The following CNTN4 variants were observed in gnomAD, a reference collection of about 807,000 sequenced individuals.
CNTN4 encodes the protein contactin-4.
Under a neutral mutation model 122.5 loss-of-function variants are expected in CNTN4, and 77 were observed. That is an observed-to-expected ratio of 0.63 (90% CI 0.52 to 0.76). The LOEUF (loss-of-function observed/expected upper bound fraction) is 0.76. CNTN4 is among the 30% of genes least tolerant of loss of function. The pLI is 0.00. For missense variants in CNTN4, 1,256 were observed against 1,259.1 expected, an observed-to-expected ratio of 1.00 and a Z score of 0.04; for synonymous variants, 512 against 447.0, an observed-to-expected ratio of 1.15 and a Z score of -1.83.
intron 2 of CNTN4, among the ~76,000 whole-genome samples, chr3:2,329,079 T>C (rs1276539948): frequency 6.6e-6 from 1 of 152,156 alleles, no homozygotes; most frequent in Non-Finnish European, 1.5e-5. Context: ...AATAAAAATT[T>C]TCACAAATGG....
At chr3:2,859,780 G>A (rs1238698568) in intron 7 of CNTN4, among the ~76,000 whole-genome samples, 1 of 152,038 alleles carries the variant, frequency 6.6e-6, no homozygotes, top group Non-Finnish European at 1.5e-5. Context: ...CTCATATTTG[G>A]CTTATTGTCT....
At chr3:2,488,979 C>G (rs183169979) in intron 3 of CNTN4, among the ~76,000 whole-genome samples, 88 of 152,298 alleles carry the variant, frequency 5.8e-4, no homozygotes, top group African/African-American at 2.0e-3. Flanking sequence ...CCAAATCATT[C>G]ATCTCTGCAT....
intron 3 of CNTN4, among the ~76,000 whole-genome samples, chr3:2,482,399 G>A (rs1037354206): frequency 1.3e-5 from 2 of 151,788 alleles, no homozygotes; most frequent in African/African-American, 4.8e-5. Context: ...GATCATAAAA[G>A]TTTGGAAAAT....
intron 8 of CNTN4, among the ~76,000 whole-genome samples, chr3:2,878,553 C>CTCTCTGTGTGTGTGTG (rs930160038): frequency 2.0e-5 from 3 of 146,844 alleles, no homozygotes; most frequent in Non-Finnish European, 4.5e-5. Context: ...GAGATGCTCT[C>CTCTCTGTGTGTGTGTG]TGTGTGTGTG....
At chr3:2,954,687 G>C (rs1162419453) in intron 13 of CNTN4, among the ~76,000 whole-genome samples, 5 of 151,796 alleles carry the variant, frequency 3.3e-5, no homozygotes, top group African/African-American at 1.2e-4. Context: ...TACAGCTTTA[G>C]TGCATGTAAT....
intron 4 of CNTN4, among the ~76,000 whole-genome samples, chr3:2,680,728 GT>G (rs1481193443): frequency 6.6e-6 from 1 of 152,080 alleles, no homozygotes; most frequent in East Asian, 1.9e-4. Flanking sequence ...ACATGGATAG[GT>G]GCTTGGATTG....
rs544099064 is a variant in CNTN4 at position 2,570,649 on chromosome 3, C to T, written c.-88-767C>T. Among the ~76,000 whole-genome samples, 15 of 152,310 alleles carry T rather than the reference C, an allele frequency of 9.8e-5. 1 individual carries two copies. Among genetic ancestry groups the T allele is most frequent in the African/African-American group, 3.6e-4 (15 of 41,568 alleles). ...GGGCACCTGTTCCCTTAAGCAAGGA[C>T]ATGCCTCCATTCCTCAGAATAACAG... On this transcript the variant is annotated intron_variant, in intron 3 of 24. Coordinates refer to ENST00000418658, the MANE Select transcript of CNTN4 (RefSeq NM_175607.3).
chr3:2,966,632 A>G (rs1692338343), intron 13 of CNTN4, among the ~76,000 whole-genome samples: 1 of 152,218 alleles, frequency 6.6e-6, no homozygotes, highest in Non-Finnish European at 1.5e-5. Context: ...CAAAATTTGA[A>G]TGTTCCTAAT....
At chr3:2,377,772 A>ATTT (rs34464778) in intron 3 of CNTN4, among the ~76,000 whole-genome samples, 4 of 137,872 alleles carry the variant, frequency 2.9e-5, no homozygotes, top group Non-Finnish European at 4.9e-5. Flanking sequence ...TTTTTTTGTG[A>ATTT]TTATTTTTTT....
intron 3 of CNTN4, among the ~76,000 whole-genome samples, chr3:2,375,007 T>C (rs1219256070): frequency 1.3e-5 from 2 of 152,240 alleles, no homozygotes; most frequent in African/African-American, 2.4e-5. Context: ...TGTCGCATTG[T>C]GTCATACTCT....
intron 3 of CNTN4, among the ~76,000 whole-genome samples, chr3:2,510,686 C>T (rs184300515): frequency 2.6e-4 from 40 of 152,188 alleles, no homozygotes; most frequent in African/African-American, 9.4e-4. Flanking sequence ...TGGGCAAAAG[C>T]GTGTGTGGCA....
chr3:2,704,632 G>T (rs911706650), intron 4 of CNTN4, among the ~76,000 whole-genome samples: 4 of 152,114 alleles, frequency 2.6e-5, no homozygotes, highest in African/African-American at 9.7e-5. Flanking sequence ...TCACCTGCAG[G>T]ACTTGTTCAA....
At chr3:2,583,459 T>C (rs962264622) in intron 4 of CNTN4, among the ~76,000 whole-genome samples, 1 of 152,254 alleles carries the variant, frequency 6.6e-6, no homozygotes, top group Non-Finnish European at 1.5e-5. Flanking sequence ...TGAATTATAC[T>C]TGATAATGGT....
chr3:3,025,915 A>G (rs977287668), intron 14 of CNTN4, among the ~76,000 whole-genome samples, 187 bp from the exon 15 acceptor site: 2 of 152,148 alleles, frequency 1.3e-5, no homozygotes, highest in Non-Finnish European at 1.5e-5. Flanking sequence ...TCATCTTTTC[A>G]TATTAAAAAT....
chr3:2,198,235 A>G (rs546345819), intron 2 of CNTN4, among the ~76,000 whole-genome samples: 24 of 152,268 alleles, frequency 1.6e-4, no homozygotes, highest in African/African-American at 5.5e-4. Flanking sequence ...TTTCCTATTA[A>G]CTTGGTTGCT....
intron 6 of CNTN4, among the ~76,000 whole-genome samples, chr3:2,802,175 G>T (rs1433640380): frequency 1.3e-5 from 2 of 152,132 alleles, no homozygotes; most frequent in Admixed American, 6.5e-5. Flanking sequence ...CATGTATCCA[G>T]TGCCCACCAA....
chr3:2,492,421 C>T (rs1559604039), intron 3 of CNTN4, among the ~76,000 whole-genome samples: 1 of 152,006 alleles, frequency 6.6e-6, no homozygotes, highest in East Asian at 1.9e-4. Context: ...GATGTCATAC[C>T]CGGTTGACAA....
At chr3:2,173,987 A>C (rs1474306825) in intron 2 of CNTN4, among the ~76,000 whole-genome samples, 1 of 152,176 alleles carries the variant, frequency 6.6e-6, no homozygotes, top group African/African-American at 2.4e-5. Context: ...TAGAAGGGTG[A>C]CGATCTTGAG....
At chr3:2,619,121 G>A (rs1208315600) in intron 4 of CNTN4, among the ~76,000 whole-genome samples, 1 of 152,150 alleles carries the variant, frequency 6.6e-6, no homozygotes, top group Non-Finnish European at 1.5e-5. Context: ...TTAAGGGCAG[G>A]GACCCTGTCT....
Sources: gnomAD v4.1 joint callset for allele counts (sites outside exome capture counted in the v4.1 genomes callset) on GRCh38, gnomAD v4.1.1 for gene constraint, MANE v1.5 for transcripts, NCBI Gene and HGNC (gene_info 2026-07-23, HGNC 2026-07-21) for gene names.